The following NTN4 variants were observed in gnomAD, a reference collection of about 807,000 sequenced individuals.
NTN4 encodes the protein netrin-4.
In NTN4, 32 loss-of-function variants were observed where a neutral mutation model predicts 73.6. The ratio of observed to expected loss-of-function variants is 0.44; its 90% CI spans 0.33 to 0.58. The LOEUF (loss-of-function observed/expected upper bound fraction) is 0.58, where lower values mean the gene tolerates loss of function less well. Among genes scored for constraint, NTN4 ranks in the 20% least tolerant of loss-of-function variants. The pLI is 0.04. For synonymous variants in NTN4, 258 were observed against 287.5 expected, an observed-to-expected ratio of 0.90 and a Z score of 1.04; for missense variants, 654 against 798.3, an observed-to-expected ratio of 0.82 and a Z score of 2.18.
chr12:95,721,089 CCCCTAAACTATGCCATTGTAAGA>C (rs2078644480), intron 3 of NTN4, among the ~76,000 whole-genome samples: 1 of 152,208 alleles, frequency 6.6e-6, no homozygotes, highest in Non-Finnish European at 1.5e-5. Context: ...CTCATCTTAA[CCCCTAAACTATGCCATTGTAAGA>C]CCCTTGGCAG....
At chr12:95,704,216 CT>C (rs1361353268) in intron 5 of NTN4, among the ~76,000 whole-genome samples, 1 of 152,170 alleles carries the variant, frequency 6.6e-6, no homozygotes, top group Non-Finnish European at 1.5e-5. Context: ...TAGCAGTTTG[CT>C]TTTCTGCCTT....
At chr12:95,767,868 G>C (rs2079030872) in intron 2 of NTN4, among the ~76,000 whole-genome samples, 1 of 152,178 alleles carries the variant, frequency 6.6e-6, no homozygotes, top group Non-Finnish European at 1.5e-5. Context: ...TGGATTTGCA[G>C]AGGGATGTAA....
At chr12:95,712,787 C>CTTTTTTTTTTTTTTTT (rs35614636) in intron 4 of NTN4, among the ~76,000 whole-genome samples, 3 of 105,734 alleles carry the variant, frequency 2.8e-5, no homozygotes, top group Admixed American at 1.1e-4. Flanking sequence ...TTCTTTCTTT[C>CTTTTTTTTTTTTTTTT]TTTTTTTTTT....
At chr12:95,772,321 T>C (rs1191571011) in intron 2 of NTN4, among the ~76,000 whole-genome samples, 2 of 152,240 alleles carry the variant, frequency 1.3e-5, no homozygotes, top group African/African-American at 2.4e-5. Context: ...ATTACAGGCA[T>C]GAGCCACCAC....
intron 7 of NTN4, among the ~76,000 whole-genome samples, chr12:95,681,041 T>C (rs532352359): frequency 1.3e-5 from 2 of 151,720 alleles, no homozygotes; most frequent in Non-Finnish European, 2.9e-5. Flanking sequence ...TACAAAAAAT[T>C]AGCCAGGTGT....
chr12:95,687,193 T>C (rs1047815952), intron 5 of NTN4, among the ~76,000 whole-genome samples: 3 of 152,224 alleles, frequency 2.0e-5, no homozygotes, highest in Non-Finnish European at 2.9e-5. Flanking sequence ...ATTTTTTCCA[T>C]TGGAAAAGGA....
chr12:95,728,068 T>C (rs898322328), intron 3 of NTN4, among the ~76,000 whole-genome samples: 18 of 152,154 alleles, frequency 1.2e-4, no homozygotes, highest in African/African-American at 4.3e-4. Flanking sequence ...CTACTGTAAA[T>C]GAGATTTTCT....
In NTN4 at chr12:95,700,118, T is replaced by C. The variant is rs188397706; in HGVS notation, c.1180+10323A>G. 6.8e-3 allele frequency among the ~76,000 whole-genome samples: 787 copies of C among 115,412 alleles called. 7 individuals carry two copies. The highest frequency in any genetic ancestry group is 9.1e-3 in the Middle Eastern group (2 of 220). 75.7% of individuals were successfully genotyped at this position (115,412 alleles called of 152,430 possible). On this transcript the variant is annotated intron_variant, in intron 5 of 9. Coordinates refer to ENST00000343702, the MANE Select transcript of NTN4 (RefSeq NM_021229.4). ...TTTTTTTTTTTTTTTTTTTTTTTAC[T>C]TAGGGTCTCAGTCTGCCACCCTGGT...
At chr12:95,775,913 G>C (rs1408740620) in intron 2 of NTN4, among the ~76,000 whole-genome samples, 2 of 152,240 alleles carry the variant, frequency 1.3e-5, no homozygotes, top group African/African-American at 2.4e-5. Flanking sequence ...GCACCCCCCA[G>C]TAGGGGCAGA....
At chr12:95,742,248 C>A (rs1358349810) in intron 2 of NTN4, among the ~76,000 whole-genome samples, 2 of 151,912 alleles carry the variant, frequency 1.3e-5, no homozygotes, top group Non-Finnish European at 2.9e-5. Flanking sequence ...GTCATCCCAG[C>A]ACTTTGGGAG....
At chr12:95,677,263 T>G (rs1354705612) in intron 7 of NTN4, among the ~76,000 whole-genome samples, 4 of 151,956 alleles carry the variant, frequency 2.6e-5, no homozygotes, top group Non-Finnish European at 5.9e-5. Flanking sequence ...TCTAGAAAAC[T>G]TTGATTACCA....
intron 3 of NTN4, among the ~76,000 whole-genome samples, chr12:95,722,973 CAA>C (rs71087998): frequency 1.8e-5 from 1 of 55,364 alleles, no homozygotes; most frequent in African/African-American, 7.0e-5. Context: ...GACTCTGTCT[CAA>C]AAAAAAAAAA....
At chr12:95,746,121 T>C (rs970188844) in intron 2 of NTN4, among the ~76,000 whole-genome samples, 16 of 152,206 alleles carry the variant, frequency 1.1e-4, no homozygotes, top group Non-Finnish European at 1.9e-4. Flanking sequence ...ATCTTGGCTC[T>C]TTCACTGGCA....
intron 5 of NTN4, among the ~76,000 whole-genome samples, chr12:95,696,756 A>G (rs964342186): frequency 2.0e-5 from 3 of 152,324 alleles, no homozygotes; most frequent in African/African-American, 7.2e-5. Flanking sequence ...AACCACCCCA[A>G]CAAATCTATG....
chr12:95,779,101 T>C (rs1341309260), intron 2 of NTN4, among the ~76,000 whole-genome samples: 1 of 152,168 alleles, frequency 6.6e-6, no homozygotes, highest in East Asian at 1.9e-4. Flanking sequence ...TTTGACAAAA[T>C]TCAACAGCCC....
intron 5 of NTN4, among the ~76,000 whole-genome samples, chr12:95,696,057 CA>C (rs775519740): frequency 1.1e-4 from 16 of 149,938 alleles, no homozygotes; most frequent in Non-Finnish European, 2.4e-4. Flanking sequence ...TCCACCTGTT[CA>C]GCCTCCTGTA....
rs536044933 is a variant in NTN4 at position 95,666,528 on chromosome 12, T to C, written c.1580-548A>G. Reference sequence around the variant, plus strand: ...CTATATTCTTATTTGTTAGGCAATTTCAAATGTGACTCCCTCCAATATCAT... The same window carrying C: ...CTATATTCTTATTTGTTAGGCAATTCCAAATGTGACTCCCTCCAATATCAT... On this transcript the variant is annotated intron_variant, in intron 8 of 9. Coordinates refer to ENST00000343702, the MANE Select transcript of NTN4 (RefSeq NM_021229.4). 2.0e-5 allele frequency among the ~76,000 whole-genome samples: 3 copies of C among 152,348 alleles called. No individual in the cohort carries two copies. In the East Asian group the frequency reaches 5.8e-4, roughly 29 times the overall value.
chr12:95,735,078 C>T (rs1428187147), intron 3 of NTN4, among the ~76,000 whole-genome samples: 1 of 150,870 alleles, frequency 6.6e-6, no homozygotes, highest in Non-Finnish European at 1.5e-5. Context: ...TCAAAGGAGG[C>T]AACCATTTCC....
chr12:95,670,171 TGTTA>T (rs3833792), intron 7 of NTN4, 25 bp from the exon 8 acceptor site: 386,302 of 1,387,902 alleles, frequency 0.28, 58,747 homozygotes, highest in Non-Finnish European at 0.3. Flanking sequence ...TTAAAAATGG[TGTTA>T]GTTATTAGAA....
Sources: allele counts gnomAD v4.1 joint callset (sites outside exome capture counted in the v4.1 genomes callset), GRCh38; gene constraint gnomAD v4.1.1; transcripts MANE v1.5; gene names NCBI Gene and HGNC (gene_info 2026-07-23, HGNC 2026-07-21).